JAZF1: variants seen among roughly 807,000 people sequenced by gnomAD.
JAZF1 encodes the protein juxtaposed with another zinc finger protein 1.
A neutral mutation model predicts 26.4 loss-of-function variants in JAZF1; 8 were observed. The ratio of observed to expected loss-of-function variants is 0.30; its 90% CI spans 0.18 to 0.55. The LOEUF (loss-of-function observed/expected upper bound fraction) is 0.55, where lower values mean the gene tolerates loss of function less well. Among genes scored for constraint, JAZF1 ranks in the 20% least tolerant of loss-of-function variants. The probability of loss-of-function intolerance (pLI) is 0.94; values close to 1 mark genes in which losing one functional copy is unlikely to be tolerated. For synonymous variants in JAZF1, 126 were observed against 122.3 expected (o/e 1.03, Z -0.20); for missense variants, 199 against 322.0 (o/e 0.62, Z 2.92).
chr7:28,180,417 G>A (rs1202279040), intron 1 of JAZF1, 46 bp downstream of exon 1: 1 of 1,499,690 alleles, frequency 6.7e-7, no homozygotes, highest in Non-Finnish European at 9.2e-7. Context: ...GCCCGGGCAG[G>A]AGTTTCCGCG....
chr7:28,124,054 C>T (rs1448107724), intron 1 of JAZF1, among the ~76,000 whole-genome samples: 1 of 152,110 alleles, frequency 6.6e-6, no homozygotes, highest in Non-Finnish European at 1.5e-5. Context: ...TTCCAAAATT[C>T]AAATATTAAA....
chr7:27,929,653 A>G (rs1784654224), intron 2 of JAZF1, among the ~76,000 whole-genome samples: 1 of 152,194 alleles, frequency 6.6e-6, no homozygotes, highest in Admixed American at 6.5e-5. Context: ...CTCTTGGGTG[A>G]AATTTCTCAT....
Position 27,840,206 on chromosome 7 carries a change from G to A in JAZF1, c.555+492C>T, listed in dbSNP as rs1403712018. Among the ~76,000 whole-genome samples the A allele has an allele frequency of 6.6e-6, 1 of 152,140 alleles. No homozygotes were observed. The highest frequency in any genetic ancestry group is 2.4e-5 in the African/African-American group (1 of 41,436). ...TCCCCTTTCATGCCACTGGGTGGAA[G>A]GAAGCAAGAACTTCCTCAGCTGGAA... is the stretch of plus-strand genomic sequence containing the variant. On this transcript the variant is annotated intron_variant, in intron 4 of 4. Transcript: ENST00000283928. The surrounding 1 kb of genome is among the most constrained non-coding windows in gnomAD (Gnocchi z 5.1).
At chr7:28,138,648 G>C (rs1782920462) in intron 1 of JAZF1, among the ~76,000 whole-genome samples, 1 of 152,190 alleles carries the variant, frequency 6.6e-6, no homozygotes, top group Admixed American at 6.5e-5. Flanking sequence ...AACTCGCTCT[G>C]TGAAGAATAT....
intron 3 of JAZF1, among the ~76,000 whole-genome samples, chr7:27,876,948 G>C (rs1783690276): frequency 6.6e-6 from 1 of 152,206 alleles, no homozygotes; most frequent in South Asian, 2.1e-4. Flanking sequence ...ATCCCAGCTA[G>C]AGATGACTTT....
At chr7:28,007,394 C>A (rs1410926312) in intron 1 of JAZF1, among the ~76,000 whole-genome samples, 1 of 152,050 alleles carries the variant, frequency 6.6e-6, no homozygotes, top group Admixed American at 6.5e-5. Flanking sequence ...CATGGTGAAA[C>A]CCTGTCTCTA....
intron 1 of JAZF1, among the ~76,000 whole-genome samples, chr7:28,018,168 G>A (rs189172802): frequency 2.0e-5 from 3 of 152,306 alleles, no homozygotes; most frequent in East Asian, 1.9e-4. Flanking sequence ...ACGAGCCAGC[G>A]AGGCCAAGGG....
intron 1 of JAZF1, among the ~76,000 whole-genome samples, chr7:28,055,744 G>A (rs1457517311): frequency 3.9e-5 from 6 of 152,124 alleles, no homozygotes; most frequent in Non-Finnish European, 8.8e-5. Flanking sequence ...ATTATTTGCT[G>A]ATTTGATGAT....
chr7:27,831,435 G>GTGTT lies in JAZF1; in HGVS notation c.*1361_*1364dup, dbSNP rs1213224318. On this transcript the variant is annotated 3_prime_UTR_variant, in exon 5 of 5. Coordinates refer to ENST00000283928, the MANE Select transcript of JAZF1 (RefSeq NM_175061.4). Reference sequence around the variant, plus strand: ...ATTATTAGGCAACTGGTAAACTCTCGTGTTTAAGGAATAGCACTTGGGAGA... The same window carrying GTGTT: ...ATTATTAGGCAACTGGTAAACTCTCGTGTTTGTTTAAGGAATAGCACTTGGGAGA... 8.8e-6 allele frequency: 2 copies of GTGTT among 228,530 alleles called. No homozygotes were observed. The highest frequency in any genetic ancestry group is 1.7e-5 in the Non-Finnish European group (2 of 114,882). The allele number at this position is 228,530 out of a possible 1,614,324, so 14.2% of individuals were successfully genotyped here.
chr7:27,947,313 A>T lies in JAZF1; in HGVS notation c.188+44596T>A, dbSNP rs146692186. On this transcript the variant is annotated intron_variant, in intron 2 of 4. Coordinates refer to ENST00000283928, the MANE Select transcript of JAZF1 (RefSeq NM_175061.4). Reference sequence around the variant, plus strand: ...TTAAATGCTTTCAAATACTTCCAAGATTAAAATAACTGCTGAGTTATTTTG... The same window carrying T: ...TTAAATGCTTTCAAATACTTCCAAGTTTAAAATAACTGCTGAGTTATTTTG... Among the ~76,000 whole-genome samples the T allele has an allele frequency of 1.9e-3, 297 of 152,348 alleles. 3 individuals are homozygous for T. Among genetic ancestry groups the T allele is most frequent in the Admixed American group, 0.017 (262 of 15,308 alleles).
At chr7:27,889,180 C>T (rs1177045987) in intron 3 of JAZF1, among the ~76,000 whole-genome samples, 4 of 152,140 alleles carry the variant, frequency 2.6e-5, no homozygotes, top group Admixed American at 2.6e-4. Flanking sequence ...CACCCACCAG[C>T]TGAATCAGAG....
intron 3 of JAZF1, among the ~76,000 whole-genome samples, chr7:27,878,838 C>T (rs746871359): frequency 4.6e-5 from 7 of 152,186 alleles, no homozygotes; most frequent in South Asian, 2.1e-4. Context: ...AGCCCCCTTC[C>T]GTTCATGTCA....
At chr7:27,915,086 C>T (rs1294609226) in intron 2 of JAZF1, among the ~76,000 whole-genome samples, 1 of 151,906 alleles carries the variant, frequency 6.6e-6, no homozygotes, top group Non-Finnish European at 1.5e-5. Context: ...TCAAGCAGGC[C>T]CTATTAAAAA....
chr7:28,159,264 G>A (rs898552090), intron 1 of JAZF1, among the ~76,000 whole-genome samples: 1 of 151,740 alleles, frequency 6.6e-6, no homozygotes, highest in Non-Finnish European at 1.5e-5. Flanking sequence ...TGGGGTTGAT[G>A]GGAACTCCCT....
At chr7:28,119,122 G>A (rs1784796923) in intron 1 of JAZF1, among the ~76,000 whole-genome samples, 1 of 152,046 alleles carries the variant, frequency 6.6e-6, no homozygotes, top group Non-Finnish European at 1.5e-5. Flanking sequence ...CTGCTCCCCA[G>A]GCAGCCCCCG....
chr7:27,856,059 T>C (rs901114641), intron 3 of JAZF1, among the ~76,000 whole-genome samples: 9 of 152,174 alleles, frequency 5.9e-5, no homozygotes, highest in Non-Finnish European at 8.8e-5. Flanking sequence ...GTGTCCGGAA[T>C]TGGTGGGTTC....
At chr7:28,023,391 C>T (rs183990872) in intron 1 of JAZF1, among the ~76,000 whole-genome samples, 86 of 152,188 alleles carry the variant, frequency 5.7e-4, no homozygotes, top group African/African-American at 1.6e-3. Flanking sequence ...GTAAGTAATT[C>T]GAAACGATTT....
intron 1 of JAZF1, among the ~76,000 whole-genome samples, chr7:28,112,764 A>C (rs1047941536): frequency 6.6e-6 from 1 of 152,178 alleles, no homozygotes; most frequent in Non-Finnish European, 1.5e-5. Context: ...AAGGGGAGCA[A>C]ATGAGGCAAA....
Position 27,920,632 on chromosome 7 carries a change from G to A in JAZF1, c.189-25216C>T, listed in dbSNP as rs1197263839. Among the ~76,000 whole-genome samples the A allele has an allele frequency of 2.0e-5, 3 of 152,196 alleles. No homozygotes were observed. In the South Asian group the frequency reaches 6.2e-4, roughly 32 times the overall value. On this transcript the variant is annotated intron_variant, in intron 2 of 4. Transcript: ENST00000283928. ...GGATAAAAGGGGAGCATGTGAATAAGACCCTCTTCTTTCCTGGCCAGCAGC... is the reference window on the plus strand; with the variant it reads ...GGATAAAAGGGGAGCATGTGAATAAAACCCTCTTCTTTCCTGGCCAGCAGC...
Sources: gnomAD v4.1 joint callset for allele counts (sites outside exome capture counted in the v4.1 genomes callset) on GRCh38, gnomAD v4.1.1 for gene constraint, Gnocchi (gnomAD v3.1) non-coding constraint, MANE v1.5 for transcripts, NCBI Gene and HGNC (gene_info 2026-07-23, HGNC 2026-07-21) for gene names.